The following OLA1 variants were observed in gnomAD, a reference collection of about 807,000 sequenced individuals.
OLA1 encodes the protein obg-like ATPase 1.
In OLA1, 14 loss-of-function variants were observed where a neutral mutation model predicts 48.4. That is an observed-to-expected ratio of 0.29 (90% CI 0.19 to 0.45). OLA1 has a LOEUF of 0.45. Ranked by LOEUF, OLA1 falls within the 20% of genes least tolerant of loss-of-function variation. The pLI is 1.00. For missense variants in OLA1, 325 were observed against 467.1 expected (o/e 0.70, Z 2.80); for synonymous variants, 127 against 150.4 (o/e 0.84, Z 1.14).
rs1686454906 is a variant in OLA1 at position 174,141,830 on chromosome 2, C to G, written c.544G>C (p.Glu182Gln). 1 of 1,593,038 alleles carries G rather than the reference C, an allele frequency of 6.3e-7. No individual in the cohort carries two copies. The highest frequency in any genetic ancestry group is 8.5e-7 in the Non-Finnish European group (1 of 1,174,750). The change falls in exon 5 of 11, where the codon GAA (glutamate) becomes CAA (glutamine). Residue 182 changes from glutamate (E) to glutamine (Q), a missense_variant. Coordinates refer to ENST00000284719, the MANE Select transcript of OLA1 (RefSeq NM_013341.5). ...VRGGDKKLKPEYDIMCKVKSW... is the reference protein window; with the variant it reads ...VRGGDKKLKPQYDIMCKVKSW... ...AGCTGTAAATTTTTACTTACATATT[C>G]AGGTTTTAGTTTTTTATCTCCTCCT... is the stretch of plus-strand genomic sequence containing the variant.
At chr2:174,221,868 C>T (rs1482875686) in intron 4 of OLA1, among the ~76,000 whole-genome samples, 3 of 152,234 alleles carry the variant, frequency 2.0e-5, no homozygotes, top group East Asian at 1.9e-4. Context: ...GGAAAACAGA[C>T]GTTCTGCCAA....
Position 174,235,443 on chromosome 2 carries a change from C to G in OLA1, c.102-5992G>C, listed in dbSNP as rs532501164. Among the ~76,000 whole-genome samples the G allele has an allele frequency of 2.6e-5, 4 of 152,302 alleles. No individual in the cohort carries two copies. The South Asian group carries it at 8.3e-4, about 32-fold the overall frequency. On this transcript the variant is annotated intron_variant, in intron 2 of 10. Transcript: ENST00000284719. Reference sequence around the variant, plus strand: ...TCCCCTCTGCTACAAGAACTGCCCTCCTGCTACAAAGAGCTAGAAAACCAG... The same window carrying G: ...TCCCCTCTGCTACAAGAACTGCCCTGCTGCTACAAAGAGCTAGAAAACCAG...
chr2:174,138,135 G>A (rs1341754834), intron 5 of OLA1, among the ~76,000 whole-genome samples: 3 of 152,204 alleles, frequency 2.0e-5, no homozygotes, highest in African/African-American at 4.8e-5. Context: ...CTTGGCTAAC[G>A]TGGTGCAAAA....
chr2:174,142,088 A>T lies in OLA1; in HGVS notation c.374-88T>A, dbSNP rs1686466665. Reference sequence around the variant, plus strand: ...AGTGAAAGATTCCTAGAAGGTTAACAAATAAATATAATAAATAAATTACTC... The same window carrying T: ...AGTGAAAGATTCCTAGAAGGTTAACTAATAAATATAATAAATAAATTACTC... On this transcript the variant is annotated intron_variant, in intron 4 of 10. Transcript: ENST00000284719. 4 of 1,125,930 alleles carry T rather than the reference A, an allele frequency of 3.6e-6. No homozygotes were observed. In the Admixed American group the frequency reaches 9.5e-5, roughly 27 times the overall value. 69.7% of individuals were successfully genotyped at this position (1,125,930 alleles called of 1,614,324 possible).
intron 4 of OLA1, among the ~76,000 whole-genome samples, chr2:174,146,818 G>A (rs549117824): frequency 1.3e-5 from 2 of 152,264 alleles, no homozygotes; most frequent in East Asian, 3.9e-4. Context: ...TAAATTCACT[G>A]AATTTTGAGA....
At chr2:174,143,578 T>C (rs1686509927) in intron 4 of OLA1, among the ~76,000 whole-genome samples, 1 of 152,178 alleles carries the variant, frequency 6.6e-6, no homozygotes, top group South Asian at 2.1e-4. Flanking sequence ...AGACTAACCA[T>C]AGTGATGTCC....
chr2:174,162,814 C>T (rs746989419), intron 4 of OLA1, among the ~76,000 whole-genome samples: 3 of 152,084 alleles, frequency 2.0e-5, no homozygotes, highest in South Asian at 2.1e-4. Context: ...GAGGCCGAGG[C>T]GGGCGGATCG....
At chr2:174,127,998 G>A (rs1022483506) in intron 5 of OLA1, among the ~76,000 whole-genome samples, 5 of 151,640 alleles carry the variant, frequency 3.3e-5, no homozygotes, top group African/African-American at 1.2e-4. Context: ...TGTTTAGGGA[G>A]AAAAATATAG....
intron 4 of OLA1, among the ~76,000 whole-genome samples, chr2:174,219,214 G>A (rs1052471093): frequency 6.6e-6 from 1 of 151,182 alleles, no homozygotes; most frequent in African/African-American, 2.4e-5. Context: ...AGGCCAAGGC[G>A]GAGGACTGCT....
chr2:174,166,640 T>C (rs1687172476), intron 4 of OLA1, among the ~76,000 whole-genome samples: 2 of 152,254 alleles, frequency 1.3e-5, no homozygotes, highest in East Asian at 3.8e-4. Context: ...TTTTGTCATT[T>C]TGCTAAGTAT....
At chr2:174,143,241 T>C (rs1686499620) in intron 4 of OLA1, among the ~76,000 whole-genome samples, 1 of 152,198 alleles carries the variant, frequency 6.6e-6, no homozygotes, top group African/African-American at 2.4e-5. Flanking sequence ...TAATATACTA[T>C]TTAATGTCAA....
At chr2:174,177,392 C>T (rs1687443861) in intron 4 of OLA1, among the ~76,000 whole-genome samples, 1 of 152,116 alleles carries the variant, frequency 6.6e-6, no homozygotes, top group Admixed American at 6.5e-5. Flanking sequence ...TTAGTCTAAT[C>T]ATCCATGATG....
intron 4 of OLA1, among the ~76,000 whole-genome samples, chr2:174,211,914 A>G (rs956757821): frequency 3.9e-5 from 6 of 152,190 alleles, no homozygotes; most frequent in Non-Finnish European, 8.8e-5. Context: ...AACTTTTTTA[A>G]TGTGGCTATC....
chr2:174,185,105 A>C (rs764128315), intron 4 of OLA1, among the ~76,000 whole-genome samples: 1 of 152,184 alleles, frequency 6.6e-6, no homozygotes, highest in African/African-American at 2.4e-5. Flanking sequence ...AGATTCAGGT[A>C]CTTTCCAAGT....
intron 4 of OLA1, among the ~76,000 whole-genome samples, chr2:174,150,921 TTAAGAA>T (rs1359146677): frequency 6.6e-6 from 1 of 152,038 alleles, no homozygotes; most frequent in African/African-American, 2.4e-5. Flanking sequence ...TTAGAATAGG[TTAAGAA>T]GAAGAAGAAA....
intron 1 of OLA1, chr2:174,247,658 A>G (rs935639807): frequency 7.7e-6 from 12 of 1,550,924 alleles, no homozygotes; most frequent in African/African-American, 1.4e-5. Flanking sequence ...TTTCACATAG[A>G]TGAACACCCA....
chr2:174,112,850 T>C (rs561237482), intron 7 of OLA1, among the ~76,000 whole-genome samples: 8 of 152,194 alleles, frequency 5.3e-5, no homozygotes, highest in Non-Finnish European at 8.8e-5. Flanking sequence ...GTGGTATCTG[T>C]TACAGCAGCA....
chr2:174,193,113 G>A (rs540998795), intron 4 of OLA1, among the ~76,000 whole-genome samples: 32 of 147,538 alleles, frequency 2.2e-4, no homozygotes, highest in African/African-American at 8.0e-4. Flanking sequence ...TTTTGAGATG[G>A]GGGTCTCGCT....
intron 9 of OLA1, 44 bp downstream of exon 9, chr2:174,081,108 T>C: frequency 1.4e-6 from 2 of 1,474,334 alleles, no homozygotes; most frequent in Non-Finnish European, 1.9e-6. Context: ...CTGAATTCAA[T>C]AGTGTGGAAC....
Sources: gnomAD v4.1 joint callset for allele counts (sites outside exome capture counted in the v4.1 genomes callset) on GRCh38, gnomAD v4.1.1 for gene constraint, MANE v1.5 for transcripts, NCBI Gene and HGNC (gene_info 2026-07-23, HGNC 2026-07-21) for gene names.